Variants in PTN observed in about 807,000 individuals in gnomAD.
The protein encoded by PTN is pleiotrophin.
In PTN, 18 loss-of-function variants were observed where a neutral mutation model predicts 24.1. The ratio of observed to expected loss-of-function variants is 0.75; its 90% CI spans 0.52 to 1.11. The LOEUF is 1.11. Ranked by LOEUF, PTN falls within the 50% of genes least tolerant of loss-of-function variation. The pLI, the probability that PTN is intolerant of heterozygous loss-of-function variation, is 0.00. For synonymous variants in PTN, 78 were observed against 68.6 expected (o/e 1.14, Z -0.67); for missense variants, 163 against 198.8 (o/e 0.82, Z 1.08).
intron 1 of PTN, among the ~76,000 whole-genome samples, chr7:137,301,790 T>G (rs545919978): frequency 6.6e-6 from 1 of 151,980 alleles, no homozygotes; most frequent in Non-Finnish European, 1.5e-5. Flanking sequence ...TGTTTTATCC[T>G]GTTTTGTTTG....
rs1810396157 is a variant in PTN at position 137,333,569 on chromosome 7, G to T, written c.-2+9870C>A. 2.0e-5 allele frequency among the ~76,000 whole-genome samples: 3 copies of T among 152,166 alleles called. No homozygotes were observed. The South Asian group carries it at 6.2e-4, about 32-fold the overall frequency. On this transcript the variant is annotated intron_variant, in intron 1 of 4. Coordinates refer to ENST00000348225, the MANE Select transcript of PTN (RefSeq NM_002825.7). ...TTCCATTATGGTATGGAAGGAAAGA[G>T]TCTAATGCAGTTATAGACGTTAAAA...
chr7:137,280,888 A>G (rs1010027301), intron 1 of PTN, among the ~76,000 whole-genome samples: 4 of 150,154 alleles, frequency 2.7e-5, no homozygotes, highest in African/African-American at 7.3e-5. Context: ...AAAAAAAAAA[A>G]GGAAATTTTC....
intron 1 of PTN, among the ~76,000 whole-genome samples, chr7:137,316,630 G>A (rs145023924): frequency 3.2e-4 from 48 of 152,260 alleles, no homozygotes; most frequent in African/African-American, 1.1e-3. Context: ...GGATCGAGCC[G>A]TCCCAAAAGA....
chr7:137,283,422 AAAG>A (rs1280696038), intron 1 of PTN, among the ~76,000 whole-genome samples: 10 of 152,202 alleles, frequency 6.6e-5, no homozygotes, highest in African/African-American at 2.4e-4. Flanking sequence ...CTAAAAAAAT[AAAG>A]AAGAACTGAA....
chr7:137,342,039 G>A (rs1229092599), intron 1 of PTN, among the ~76,000 whole-genome samples: 1 of 152,026 alleles, frequency 6.6e-6, no homozygotes, highest in African/African-American at 2.4e-5. Context: ...TTACTTAAAA[G>A]GAAACATAAT....
intron 1 of PTN, among the ~76,000 whole-genome samples, chr7:137,259,305 G>T (rs1808991339): frequency 6.6e-6 from 1 of 152,006 alleles, no homozygotes; most frequent in Non-Finnish European, 1.5e-5. Context: ...ACAGGGAAAG[G>T]ATGCTGGAAA....
chr7:137,316,097 C>T (rs995362613), intron 1 of PTN, among the ~76,000 whole-genome samples: 3 of 152,338 alleles, frequency 2.0e-5, no homozygotes, highest in African/African-American at 7.2e-5. Flanking sequence ...TCAGAATCCT[C>T]AGGCTCCACT....
intron 4 of PTN, among the ~76,000 whole-genome samples, chr7:137,241,068 T>C (rs1427621618): frequency 6.6e-6 from 1 of 152,130 alleles, no homozygotes; most frequent in Non-Finnish European, 1.5e-5. Flanking sequence ...AGGTACATTT[T>C]ACATGGCAGC....
chr7:137,305,589 T>C (rs1029646880), intron 1 of PTN, among the ~76,000 whole-genome samples: 2 of 152,132 alleles, frequency 1.3e-5, no homozygotes, highest in African/African-American at 4.8e-5. Context: ...TAGTCCTAAA[T>C]AACTATTTGC....
intron 1 of PTN, among the ~76,000 whole-genome samples, chr7:137,264,531 C>T (rs946291107): frequency 2.6e-5 from 4 of 152,148 alleles, no homozygotes; most frequent in Non-Finnish European, 5.9e-5. Flanking sequence ...CGAAGCTGCT[C>T]CCATCCACGT....
chr7:137,279,382 T>C (rs1417784831), intron 1 of PTN, among the ~76,000 whole-genome samples: 1 of 152,186 alleles, frequency 6.6e-6, no homozygotes, highest in Non-Finnish European at 1.5e-5. Flanking sequence ...GAAATTAAGA[T>C]GCACCAAAAT....
chr7:137,253,944 A>G (rs1370464719), intron 2 of PTN, among the ~76,000 whole-genome samples: 1 of 152,204 alleles, frequency 6.6e-6, no homozygotes, highest in Admixed American at 6.5e-5. Flanking sequence ...AAACATTTCT[A>G]TAAAAGAAGA....
At chr7:137,328,376 G>T (rs769965367) in intron 1 of PTN, among the ~76,000 whole-genome samples, 6 of 152,208 alleles carry the variant, frequency 3.9e-5, no homozygotes, top group Non-Finnish European at 8.8e-5. Context: ...ACAACAGGCT[G>T]CAGGGCATGG....
chr7:137,324,452 A>AT, intron 1 of PTN, among the ~76,000 whole-genome samples: 1 of 120,564 alleles, frequency 8.3e-6, no homozygotes, highest in Non-Finnish European at 1.8e-5. Flanking sequence ...ATATATATAT[A>AT]AATTAACCTT....
intron 1 of PTN, among the ~76,000 whole-genome samples, chr7:137,277,002 A>G (rs2128875237): frequency 6.6e-6 from 1 of 152,364 alleles, no homozygotes; most frequent in Middle Eastern, 3.4e-3. Context: ...AGGTGAGTAC[A>G]CATATATAAA....
chr7:137,237,022 A>G (rs187833557), intron 4 of PTN, among the ~76,000 whole-genome samples: 22 of 152,288 alleles, frequency 1.4e-4, no homozygotes, highest in African/African-American at 3.4e-4. Context: ...GGTTCAAAAA[A>G]TTATAGATAT....
At chr7:137,315,290 T>A (rs1810053630) in intron 1 of PTN, among the ~76,000 whole-genome samples, 1 of 151,978 alleles carries the variant, frequency 6.6e-6, no homozygotes, top group Non-Finnish European at 1.5e-5. Flanking sequence ...ACGAAAGTAA[T>A]GATGACTATG....
chr7:137,302,776 G>GGGA (rs1809826795), intron 1 of PTN, among the ~76,000 whole-genome samples: 1 of 151,912 alleles, frequency 6.6e-6, no homozygotes, highest in African/African-American at 2.4e-5. Context: ...TTCTTCTGTA[G>GGGA]GGAGGTAACT....
intron 1 of PTN, among the ~76,000 whole-genome samples, chr7:137,310,390 G>GTTTTT (rs36009703): frequency 1.5e-5 from 2 of 137,204 alleles, no homozygotes; most frequent in Non-Finnish European, 1.6e-5. Flanking sequence ...AAGTTACCAT[G>GTTTTT]TTTTTTTTTT....
Sources: allele counts gnomAD v4.1 joint callset (sites outside exome capture counted in the v4.1 genomes callset), GRCh38; gene constraint gnomAD v4.1.1; transcripts MANE v1.5; gene names NCBI Gene and HGNC (gene_info 2026-07-23, HGNC 2026-07-21).